Variants in PCDHA7 observed in about 807,000 individuals in gnomAD.
PCDHA7 encodes protocadherin alpha 7, also known as protocadherin alpha-7.
PCDHA7 carries 37 observed loss-of-function variants against 57.2 expected under a neutral mutation model. The observed-to-expected ratio is 0.65, with a 90% CI of 0.50 to 0.85. PCDHA7 has a LOEUF of 0.85. Ranked by LOEUF, PCDHA7 falls within the 40% of genes least tolerant of loss-of-function variation. PCDHA7 has a pLI of 0.00. For synonymous variants in PCDHA7, 553 were observed against 558.8 expected, an observed-to-expected ratio of 0.99 and a Z score of 0.15; for missense variants, 1,188 against 1,241.8, an observed-to-expected ratio of 0.96 and a Z score of 0.65.
intron 1 of PCDHA7, chr5:140,859,356 A>T (rs1159666697): frequency 4.0e-6 from 1 of 251,742 alleles, no homozygotes; most frequent in African/African-American, 2.3e-5. Context: ...TACTGATCTG[A>T]TATATTGTAT....
At chr5:140,871,596 C>A in intron 1 of PCDHA7, 1 of 1,453,960 alleles carries the variant, frequency 6.9e-7, no homozygotes. Context: ...TATGAATAAC[C>A]AGTGTTTTGA....
intron 1 of PCDHA7, among the ~76,000 whole-genome samples, chr5:140,855,406 C>T (rs2043455181): frequency 6.7e-6 from 1 of 149,796 alleles, no homozygotes; most frequent in Non-Finnish European, 1.5e-5. Context: ...GATGTTGAAG[C>T]TAATGATCTC....
chr5:140,869,502 C>G (rs2051182557), intron 1 of PCDHA7: 1 of 1,614,090 alleles, frequency 6.2e-7, no homozygotes, highest in African/African-American at 1.3e-5. Context: ...CGCCGGTGTT[C>G]TCGCTCAGAG....
chr5:140,849,999 C>G lies in PCDHA7; in HGVS notation c.2355+13261C>G, dbSNP rs1554143600. The G allele has an allele frequency of 3.1e-6, 5 of 1,596,930 alleles. No individual in the cohort carries two copies. In the African/African-American group the frequency reaches 5.4e-5, roughly 17 times the overall value. The stretch of plus-strand genomic sequence containing the variant: ...GCTGGTGGAGCGGCGGTTGGGCGAG[C>G]GCTCGCTGTCGAGCTACGTGTCAGT... On this transcript the variant is annotated intron_variant, in intron 1 of 3. Coordinates refer to ENST00000525929, the MANE Select transcript of PCDHA7 (RefSeq NM_018910.3).
At position 140,836,487 on chromosome 5, in the gene PCDHA7, A is replaced by G. The variant is rs1774512813; in HGVS notation, c.2104A>G (p.Ile702Val). Residue 702 changes from isoleucine (I) to valine (V), a missense_variant, in exon 1 of 4, where the codon ATC (isoleucine) becomes GTC (valine). Around this residue, in one of 3 missense-constraint regions of PCDHA7, gnomAD observed 892 missense variants for 788.5 expected, o/e 1.13. Transcript: ENST00000525929. The stretch of plus-strand genomic sequence containing the variant: ...GGTGGATGTCAACGTGTACCTGATC[A>G]TCGCCATCTGCGCGGTGTCCAGTCT... ...ELVDVNVYLI[I>V]AICAVSSLLV... 1 of 1,613,880 alleles carries G rather than the reference A, an allele frequency of 6.2e-7. No individual in the cohort carries two copies. The highest frequency in any genetic ancestry group is 8.5e-7 in the Non-Finnish European group (1 of 1,179,854).
chr5:140,990,694 C>T (rs549554926), intron 3 of PCDHA7, among the ~76,000 whole-genome samples: 10 of 152,108 alleles, frequency 6.6e-5, no homozygotes, highest in Non-Finnish European at 1.5e-4. Context: ...TCGGAGAGTC[C>T]AGATTTATGG....
intron 1 of PCDHA7, chr5:140,883,246 AAATATTCCAATGGCGGG>A: frequency 6.2e-7 from 1 of 1,614,082 alleles, no homozygotes; most frequent in Admixed American, 1.7e-5. Context: ...TTGACAAAGG[AAATATTCCAATGGCGGG>A]TCATTGTACC....
At chr5:140,927,376 A>G (rs1554204440) in intron 1 of PCDHA7, 13 of 1,614,094 alleles carry the variant, frequency 8.1e-6, no homozygotes, top group East Asian at 2.2e-5. Context: ...ACTAAGCTAC[A>G]GCCTAAGCCC....
Position 140,925,039 on chromosome 5 carries a change from A to C in PCDHA7, c.2356-53910A>C, listed in dbSNP as rs554229960. ...GATGGGAGGATCGCTTGAGCCCAGA[A>C]GTTTGAGACCAGACTGGGCAACAAA... On this transcript the variant is annotated intron_variant, in intron 1 of 3. Coordinates refer to ENST00000525929, the MANE Select transcript of PCDHA7 (RefSeq NM_018910.3). Among the ~76,000 whole-genome samples the C allele has an allele frequency of 1.1e-4, 16 of 152,028 alleles. 1 individual carries two copies. The highest frequency in any genetic ancestry group is 1.6e-4 in the Non-Finnish European group (11 of 67,960).
intron 1 of PCDHA7, among the ~76,000 whole-genome samples, chr5:140,898,629 C>T (rs2066883647): frequency 1.3e-5 from 2 of 152,194 alleles, no homozygotes; most frequent in Admixed American, 1.3e-4. Context: ...AGCATAATGC[C>T]TCCAGCTTTG....
intron 3 of PCDHA7, among the ~76,000 whole-genome samples, chr5:140,986,013 A>C (rs544858025): frequency 6.6e-6 from 1 of 152,298 alleles, no homozygotes; most frequent in Admixed American, 6.5e-5. Flanking sequence ...TGCTGGGATT[A>C]CAGGCGTGAG....
chr5:140,870,500 A>G, intron 1 of PCDHA7: 2 of 1,614,228 alleles, frequency 1.2e-6, no homozygotes, highest in East Asian at 2.2e-5. Flanking sequence ...GTGAAGGAGA[A>G]CAACCCACCA....
At chr5:140,908,180 T>C (rs2073846080) in intron 1 of PCDHA7, among the ~76,000 whole-genome samples, 2 of 152,298 alleles carry the variant, frequency 1.3e-5, no homozygotes, top group East Asian at 3.9e-4. Context: ...AGCTGTCCAC[T>C]TTCAGGTGGT....
At position 140,877,853 on chromosome 5, in the gene PCDHA7, A is replaced by G. The variant is rs1299590962; in HGVS notation, c.2355+41115A>G. On this transcript the variant is annotated intron_variant, in intron 1 of 3. Transcript: ENST00000525929. ...CCTCCCAGTGAAGTAAGTTATTAAT[A>G]TTATTTAGATATATTTGTTTCCTTG... 2.0e-6 allele frequency: 3 copies of G among 1,535,406 alleles called. No homozygotes were observed. The East Asian group carries it at 7.1e-5, about 36-fold the overall frequency.
intron 3 of PCDHA7, among the ~76,000 whole-genome samples, chr5:141,001,365 T>C (rs577695639): frequency 6.6e-6 from 1 of 152,354 alleles, no homozygotes; most frequent in African/African-American, 2.4e-5. Context: ...AGCCTACTAT[T>C]CTGATTACAG....
rs186756859 is a variant in PCDHA7, at chr5:140,846,728, A to G, written c.2355+9990A>G. 4.0e-5 allele frequency among the ~76,000 whole-genome samples: 6 copies of G among 149,464 alleles called. 1 individual carries two copies. The highest frequency in any genetic ancestry group is 2.0e-4 in the Admixed American group (3 of 14,884). On this transcript the variant is annotated intron_variant, in intron 1 of 3. Transcript: ENST00000525929. ...TTGTAATAACCAGTCTTCATTAAACATTAAATAGGACCCTTACAGATCTCT... is the reference window on the plus strand; with the variant it reads ...TTGTAATAACCAGTCTTCATTAAACGTTAAATAGGACCCTTACAGATCTCT...
intron 3 of PCDHA7, among the ~76,000 whole-genome samples, chr5:140,993,449 CCTT>C (rs1214858534): frequency 1.4e-5 from 2 of 144,318 alleles, no homozygotes; most frequent in Non-Finnish European, 1.5e-5. Flanking sequence ...TTCCTGTTCT[CCTT>C]CTTTCTTTCT....
chr5:140,850,639 T>C (rs2150491929), intron 1 of PCDHA7: 1 of 1,598,684 alleles, frequency 6.3e-7, no homozygotes, highest in East Asian at 2.2e-5. Flanking sequence ...GTTCTCACGC[T>C]GCTGCTGTAC....
intron 1 of PCDHA7, among the ~76,000 whole-genome samples, chr5:140,942,409 TAAA>T (rs78736997): frequency 7.0e-6 from 1 of 143,620 alleles, no homozygotes; most frequent in Non-Finnish European, 1.5e-5. Context: ...AGACTCTGTT[TAAA>T]AAAAAAAAAG....
Sources: gnomAD v4.1 joint callset for allele counts (sites outside exome capture counted in the v4.1 genomes callset) on GRCh38, gnomAD v4.1.1 for gene constraint, gnomAD v4.1.1 regional missense constraint, MANE v1.5 for transcripts, NCBI Gene and HGNC (gene_info 2026-07-23, HGNC 2026-07-21) for gene names.